TECPR2: variants seen among roughly 807,000 people sequenced by gnomAD.
TECPR2 encodes the protein tectonin beta-propeller repeat-containing protein 2.
Under a neutral mutation model 138.1 loss-of-function variants are expected in TECPR2, and 65 were observed. That is an observed-to-expected ratio of 0.47 (90% confidence interval 0.39 to 0.58). The LOEUF (loss-of-function observed/expected upper bound fraction) is 0.58. Among genes scored for constraint, TECPR2 ranks in the 20% least tolerant of loss-of-function variants. The probability of loss-of-function intolerance (pLI) is 0.00; values close to 1 mark genes in which losing one functional copy is unlikely to be tolerated. For missense variants in TECPR2, 1,553 were observed against 1,824.5 expected (o/e 0.85, Z 2.71); for synonymous variants, 746 against 749.8 (o/e 0.99, Z 0.08).
chr14:102,438,863 CTTTT>C (rs1238082552), intron 10 of TECPR2, among the ~76,000 whole-genome samples: 1 of 128,644 alleles, frequency 7.8e-6, no homozygotes, highest in Non-Finnish European at 1.7e-5. Context: ...TTCTTTCTTT[CTTTT>C]TTTTTTTTTT....
chr14:102,463,662 A>G (rs1422616831), intron 16 of TECPR2, among the ~76,000 whole-genome samples: 1 of 151,988 alleles, frequency 6.6e-6, no homozygotes. Flanking sequence ...AGTGGCTCAC[A>G]CCTGTAATCC....
chr14:102,426,871 G>A (rs180693132), intron 6 of TECPR2, among the ~76,000 whole-genome samples: 1 of 152,104 alleles, frequency 6.6e-6, no homozygotes, highest in Non-Finnish European at 1.5e-5. Context: ...AAAAAGAAAA[G>A]AAAGGGTTTT....
At chr14:102,417,200 C>T (rs990326585) in intron 5 of TECPR2, among the ~76,000 whole-genome samples, 2 of 152,152 alleles carry the variant, frequency 1.3e-5, no homozygotes, top group Non-Finnish European at 2.9e-5. Context: ...TTTACTGAGC[C>T]TTGGGGAAAT....
intron 1 of TECPR2, among the ~76,000 whole-genome samples, chr14:102,369,309 G>A (rs575344319): frequency 7.6e-4 from 115 of 152,276 alleles, no homozygotes; most frequent in Non-Finnish European, 1.4e-3. Flanking sequence ...ATCAAATCAA[G>A]CGGATGGATT....
intron 6 of TECPR2, 139 bp from the exon 7 acceptor site, chr14:102,428,111 A>G: frequency 3.3e-6 from 4 of 1,211,748 alleles, no homozygotes; most frequent in Non-Finnish European, 2.2e-6. Context: ...TTGAATTGGA[A>G]TTTTCAGAAA....
In TECPR2 at chr14:102,498,144, T is replaced by C; in HGVS notation, c.4123T>C (p.Tyr1375His). 6.2e-7 allele frequency: 1 copy of C among 1,613,294 alleles called. No homozygotes were observed. Among genetic ancestry groups the C allele is most frequent in the Non-Finnish European group, 8.5e-7 (1 of 1,179,928 alleles). ...GCTGTGGGCTGTGGGCCCGCCCGGC[T>C]ACCTCCTCCAACGGCTGACAAAGAC... The part of the protein sequence containing the change: ...DELWAVGPPG[Y>H]LLQRLTKTFS... Residue 1375 changes from tyrosine (Y) to histidine (H), a missense_variant, in exon 20 of 20, where the codon TAC (tyrosine) becomes CAC (histidine). Coordinates refer to ENST00000359520, the MANE Select transcript of TECPR2 (RefSeq NM_014844.5).
At chr14:102,383,757 A>C (rs530014478) in intron 2 of TECPR2, among the ~76,000 whole-genome samples, 8 of 152,134 alleles carry the variant, frequency 5.3e-5, no homozygotes, top group Non-Finnish European at 1.0e-4. Context: ...ATTTTCAGTC[A>C]CCAAACTAAA....
chr14:102,496,881 G>T, intron 17 of TECPR2, 98 bp from the exon 18 acceptor site: 7 of 1,536,742 alleles, frequency 4.6e-6, no homozygotes, highest in Non-Finnish European at 5.3e-6. Context: ...ACTGGCTGCT[G>T]CATGCTGCCA....
chr14:102,407,224 T>TATTGATTGGACTGCAGCCTG, intron 2 of TECPR2, 114 bp from the exon 3 acceptor site: 1 of 1,331,480 alleles, frequency 7.5e-7, no homozygotes, highest in Non-Finnish European at 1.0e-6. Context: ...CAATCAAGAA[T>TATTGATTGGACTGCAGCCTG]ATGTATGGAC....
chr14:102,441,338 G>T (rs1889824477), intron 11 of TECPR2, among the ~76,000 whole-genome samples: 1 of 151,160 alleles, frequency 6.6e-6, no homozygotes, highest in East Asian at 2.0e-4. Context: ...CCAAAGTGCT[G>T]GGATTACAGG....
At chr14:102,382,148 C>T (rs2139663932) in intron 2 of TECPR2, among the ~76,000 whole-genome samples, 1 of 152,112 alleles carries the variant, frequency 6.6e-6, no homozygotes, top group Middle Eastern at 3.4e-3. Context: ...AAAAAATGAG[C>T]CAGGTGTGGT....
chr14:102,497,144 G>T lies in TECPR2; in HGVS notation c.3931+24G>T, dbSNP rs375231666. ...AGGTAGGAGCCTGCAGACAGGGCCT[G>T]TGGTGCCGGCCAGCCGGGGCTACCA... is the stretch of plus-strand genomic sequence containing the variant. On this transcript the variant is annotated intron_variant, in intron 18 of 19. Transcript: ENST00000359520. 3.1e-6 allele frequency: 5 copies of T among 1,604,246 alleles called. No individual in the cohort carries two copies. In the African/African-American group the frequency reaches 4.0e-5, roughly 13 times the overall value.
chr14:102,456,143 T>A (rs1292812827), intron 16 of TECPR2, among the ~76,000 whole-genome samples: 1 of 152,170 alleles, frequency 6.6e-6, no homozygotes, highest in Non-Finnish European at 1.5e-5. Flanking sequence ...ATGTTGGCCA[T>A]CTCCGGGCGG....
chr14:102,440,733 A>G (rs757476711), intron 11 of TECPR2, 124 bp downstream of exon 11: 2 of 1,228,320 alleles, frequency 1.6e-6, no homozygotes, highest in Non-Finnish European at 2.2e-6. Flanking sequence ...ATTCGAATTA[A>G]GACACTTCTG....
At chr14:102,376,399 T>A (rs1196495929) in intron 1 of TECPR2, among the ~76,000 whole-genome samples, 1 of 152,204 alleles carries the variant, frequency 6.6e-6, no homozygotes, top group Non-Finnish European at 1.5e-5. Flanking sequence ...AAGAACTGTT[T>A]TGTTTTTTGT....
At chr14:102,380,293 C>T (rs563472677) in intron 2 of TECPR2, among the ~76,000 whole-genome samples, 4 of 152,358 alleles carry the variant, frequency 2.6e-5, no homozygotes, top group Admixed American at 2.6e-4. Flanking sequence ...AGAACAATGA[C>T]GTATTACCTG....
chr14:102,400,505 A>C (rs1567324582), intron 2 of TECPR2, among the ~76,000 whole-genome samples: 1 of 152,192 alleles, frequency 6.6e-6, no homozygotes, highest in Admixed American at 6.5e-5. Flanking sequence ...GCTGTAATGG[A>C]GTGGAGCTTT....
chr14:102,407,584 T>C, intron 3 of TECPR2, 118 bp downstream of exon 3: 1 of 1,351,442 alleles, frequency 7.4e-7, no homozygotes. Context: ...GGGCACGACT[T>C]TCTCTGCCCA....
intron 6 of TECPR2, among the ~76,000 whole-genome samples, chr14:102,427,722 G>A (rs1047073213): frequency 6.6e-6 from 1 of 152,186 alleles, no homozygotes; most frequent in Non-Finnish European, 1.5e-5. Context: ...ACAGTAGGGG[G>A]ACTAGACGTG....
Sources: gnomAD v4.1 joint callset for allele counts (sites outside exome capture counted in the v4.1 genomes callset) on GRCh38, gnomAD v4.1.1 for gene constraint, MANE v1.5 for transcripts, NCBI Gene and HGNC (gene_info 2026-07-23, HGNC 2026-07-21) for gene names.